HEY1: variants seen among roughly 807,000 people sequenced by gnomAD.
HEY1 encodes the protein hes related family bHLH transcription factor with YRPW motif 1.
In HEY1, 9 loss-of-function variants were observed where a neutral mutation model predicts 28.7. The ratio of observed to expected loss-of-function variants is 0.31; its 90% CI spans 0.19 to 0.55. The LOEUF (loss-of-function observed/expected upper bound fraction) is 0.55. Ranked by LOEUF, HEY1 falls within the 20% of genes least tolerant of loss-of-function variation. The probability of loss-of-function intolerance (pLI) is 0.93; values close to 1 mark genes in which losing one functional copy is unlikely to be tolerated. For missense variants in HEY1, 385 were observed against 399.4 expected (o/e 0.96, Z 0.31); for synonymous variants, 213 against 175.6 (o/e 1.21, Z -1.68).
chr8:79,767,331 G>A (rs1173002925), intron 1 of HEY1, 37 bp from the exon 2 acceptor site: 2 of 1,564,766 alleles, frequency 1.3e-6, no homozygotes, highest in East Asian at 2.2e-5. Flanking sequence ...AACTGAAATC[G>A]CCGTTAAACG....
chr8:79,766,935 G>T, intron 3 of HEY1, 74 bp downstream of exon 3: 2 of 1,353,572 alleles, frequency 1.5e-6, no homozygotes, highest in Non-Finnish European at 2.1e-6. Context: ...TTCCAAGGCG[G>T]ATGAGATTAA....
At chr8:79,767,371 C>G (rs1807872005) in intron 1 of HEY1, 77 bp from the exon 2 acceptor site, 2 of 1,334,366 alleles carry the variant, frequency 1.5e-6, no homozygotes, top group Non-Finnish European at 2.1e-6. Context: ...GTCGCCCCCA[C>G]ACCCTCCCCG....
In HEY1 at chr8:79,765,370, T is replaced by A. The variant is rs765694290; in HGVS notation, c.733A>T (p.Thr245Ser). 1 of 1,589,390 alleles carries A rather than the reference T, an allele frequency of 6.3e-7. No homozygotes were observed. Among genetic ancestry groups the A allele is most frequent in the Non-Finnish European group, 8.6e-7 (1 of 1,168,010 alleles). ...GSLGPVLPVV[T>S]SASKLSPPLL... ...GGCGGCGACAGTTTGGAGGCGGAGGTGACCACAGGGAGCACCGGTCCGAGG... is the reference window on the plus strand; with the variant it reads ...GGCGGCGACAGTTTGGAGGCGGAGGAGACCACAGGGAGCACCGGTCCGAGG... The change falls in exon 5 of 5, where the codon ACC becomes TCC. Residue 245 changes from threonine (T) to serine (S), a missense_variant. By Grantham distance (58) the Thr-to-Ser change is moderately conservative. Transcript: ENST00000354724.
intron 1 of HEY1, 111 bp downstream of exon 1, chr8:79,767,464 G>T (rs1807874510): frequency 9.3e-6 from 11 of 1,180,650 alleles, no homozygotes; most frequent in Non-Finnish European, 1.3e-5. Flanking sequence ...GCGACGCGCG[G>T]AGGTCAGCGC....
In HEY1 at chr8:79,765,367, A is replaced by T. The variant is rs776947407; in HGVS notation, c.736T>A (p.Ser246Thr). 1.2e-5 allele frequency: 19 copies of T among 1,588,864 alleles called. No homozygotes were observed. The Admixed American group carries it at 2.4e-4, about 20-fold the overall frequency. The change falls in exon 5 of 5, where the codon TCC becomes ACC. Residue 246 changes from serine (S) to threonine (T), a missense_variant. By Grantham distance (58) the Ser-to-Thr change is moderately conservative. Coordinates refer to ENST00000354724, the MANE Select transcript of HEY1 (RefSeq NM_012258.4). ...SLGPVLPVVT[S>T]ASKLSPPLLS... ...AGAGGCGGCGACAGTTTGGAGGCGG[A>T]GGTGACCACAGGGAGCACCGGTCCG... is the stretch of plus-strand genomic sequence containing the variant.
At position 79,764,139 on chromosome 8, in the gene HEY1, A is replaced by G. The variant is rs1807769214; in HGVS notation, c.*1049T>C. ...TGAAAAATGATATTTTATAGCCCAA[A>G]TCAAATTAAATAAATCAAAGAGAAG... On this transcript the variant is annotated 3_prime_UTR_variant, in exon 5 of 5. Transcript: ENST00000354724. 3 of 202,958 alleles carry G rather than the reference A, an allele frequency of 1.5e-5. No homozygotes were observed. In the South Asian group the frequency reaches 5.7e-4, roughly 39 times the overall value. 12.6% of individuals were successfully genotyped at this position (202,958 alleles called of 1,614,324 possible).
rs1314340446 is a variant in HEY1, at chr8:79,767,033, C to T, written c.225G>A (p.Leu75=). Residue 75 remains leucine (L), a synonymous_variant, in exon 3 of 5, where the codon CTG becomes CTA. Transcript: ENST00000354724. Reference sequence around the variant, plus strand: ...CCTGCTTCTCAAAAGCACTGGGTACCAGCCTTCTCAGCTCAGACAAACTGT... The same window carrying T: ...CCTGCTTCTCAAAAGCACTGGGTACTAGCCTTCTCAGCTCAGACAAACTGT... The part of the protein sequence containing the change: ...INNSLSELRR[L]VPSAFEKQGS... 2 of 1,614,088 alleles carry T rather than the reference C, an allele frequency of 1.2e-6. No homozygotes were observed. Among genetic ancestry groups the T allele is most frequent in the Non-Finnish European group, 1.7e-6 (2 of 1,179,978 alleles).
rs778389204 is a variant in HEY1 at position 79,767,622 on chromosome 8, C to T, written c.42G>A (p.Glu14=). ...AHPEYSSSDS[E]LDETIEVEKE... is the part of the protein sequence containing the mutation. ...TCTCCACCTCGATGGTCTCGTCCAG[C>T]TCGCTGTCCGAGGAGCTGTACTCGG... Residue 14 remains glutamate, a synonymous_variant, in exon 1 of 5, where the codon GAG becomes GAA. Transcript: ENST00000354724. 2 of 1,610,432 alleles carry T rather than the reference C, an allele frequency of 1.2e-6. No individual in the cohort carries two copies. The highest frequency in any genetic ancestry group is 2.2e-5 in the East Asian group (1 of 44,638).
chr8:79,766,054 C>G, intron 4 of HEY1: 1 of 682,908 alleles, frequency 1.5e-6, no homozygotes, highest in South Asian at 2.0e-5. Context: ...AATGTTTTCC[C>G]TCAACAACAA....
intron 2 of HEY1, 45 bp downstream of exon 2, chr8:79,767,174 C>T: frequency 6.3e-7 from 1 of 1,583,898 alleles, no homozygotes; most frequent in Non-Finnish European, 8.7e-7. Flanking sequence ...TGGTTATTTC[C>T]GTTAATCAAT....
At chr8:79,766,830 A>C in intron 3 of HEY1, 98 bp from the exon 4 acceptor site, 1 of 1,398,678 alleles carries the variant, frequency 7.1e-7, no homozygotes, top group Middle Eastern at 1.8e-4. Flanking sequence ...TGCTTTGTAA[A>C]TCGTAAAGCA....
At position 79,765,362 on chromosome 8, in the gene HEY1, G is replaced by C; in HGVS notation, c.741C>G (p.Ala247=). The change falls in exon 5 of 5, where the codon GCC becomes GCG. Residue 247 remains alanine, a synonymous_variant. Transcript: ENST00000354724. ...AGAGCAGAGGCGGCGACAGTTTGGA[G>C]GCGGAGGTGACCACAGGGAGCACCG... The part of the protein sequence containing the change: ...LGPVLPVVTS[A]SKLSPPLLSS... 2 of 1,586,624 alleles carry C rather than the reference G, an allele frequency of 1.3e-6. No individual in the cohort carries two copies. The highest frequency in any genetic ancestry group is 1.7e-6 in the Non-Finnish European group (2 of 1,166,346).
Position 79,764,545 on chromosome 8 carries a change from A to G in HEY1, c.*643T>C, listed in dbSNP as rs1472986209. The G allele has an allele frequency of 4.4e-6, 1 of 227,284 alleles. No individual in the cohort carries two copies. The highest frequency in any genetic ancestry group is 2.2e-5 in the African/African-American group (1 of 44,994). 14.1% of individuals were successfully genotyped at this position (227,284 alleles called of 1,614,324 possible). On this transcript the variant is annotated 3_prime_UTR_variant, in exon 5 of 5. Coordinates refer to ENST00000354724, the MANE Select transcript of HEY1 (RefSeq NM_012258.4). ...CAGATACCAGCAGCTGGTCAGATGGATTCAGGGCCACCAACAGTTTGTACA... is the reference window on the plus strand; with the variant it reads ...CAGATACCAGCAGCTGGTCAGATGGGTTCAGGGCCACCAACAGTTTGTACA...
chr8:79,767,079 C>A lies in HEY1; in HGVS notation c.179G>T (p.Arg60Leu). The change falls in exon 3 of 5, where the codon CGC becomes CTC. Residue 60 changes from arginine (R) to leucine (L), a missense_variant. Arg to Leu is a moderately radical substitution (Grantham distance 102). Coordinates refer to ENST00000354724, the MANE Select transcript of HEY1 (RefSeq NM_012258.4). ...ACTGTTATTGATCCGGTCTCGTCGG[C>A]GCTTCTCAATTATCTGCAGAAGGCA... ...RKRRRGIIEK[R>L]RRDRINNSLS... The A allele has an allele frequency of 6.2e-7, 1 of 1,613,894 alleles. No homozygotes were observed. The highest frequency in any genetic ancestry group is 8.5e-7 in the Non-Finnish European group (1 of 1,179,922).
At chr8:79,766,535 C>G in intron 4 of HEY1, 116 bp downstream of exon 4, 2 of 1,543,686 alleles carry the variant, frequency 1.3e-6, no homozygotes, top group South Asian at 2.5e-5. Flanking sequence ...CACCACACAC[C>G]GTTCTCTCCC....
rs1388472094 is a variant in HEY1, at chr8:79,767,583, G to A, written c.81C>T (p.Asp27=). 1.2e-6 allele frequency: 2 copies of A among 1,608,220 alleles called. No individual in the cohort carries two copies. Among genetic ancestry groups the A allele is most frequent in the East Asian group, 2.3e-5 (1 of 44,428 alleles). Residue 27 remains aspartate (D), a synonymous_variant, in exon 1 of 5, where the codon GAC becomes GAT. Transcript: ENST00000354724. ...CGCCGCCGCCAGCTCACCCATTCTC[G>A]TCCGCACTCTCCTTCTCCACCTCGA... ...ETIEVEKESA[D]ENGNLSSALG... is the part of the protein sequence containing the mutation.
At chr8:79,767,178 A>C in intron 2 of HEY1, 41 bp downstream of exon 2, 1 of 1,586,176 alleles carries the variant, frequency 6.3e-7, no homozygotes, top group African/African-American at 1.4e-5. Context: ...TATTTCCGTT[A>C]ATCAATAACA....
At position 79,765,321 on chromosome 8, in the gene HEY1, A is replaced by C; in HGVS notation, c.782T>G (p.Leu261Arg). ...SPPLLSSVASLSAFPFSFGSF... is the reference protein window; with the variant it reads ...SPPLLSSVASRSAFPFSFGSF... ...GCCGAAAGAGAAGGGGAAGGCCGAC[A>C]GGGAGGCCACTGAGGAGAGCAGAGG... Residue 261 changes from leucine to arginine, a missense_variant, in exon 5 of 5, where the codon CTG becomes CGG. Around this residue, in one of 3 missense-constraint regions of HEY1, gnomAD observed 223 missense variants for 215.9 expected, o/e 1.03. Transcript: ENST00000354724. 1 of 1,566,196 alleles carries C rather than the reference A, an allele frequency of 6.4e-7. No individual in the cohort carries two copies. The highest frequency in any genetic ancestry group is 8.7e-7 in the Non-Finnish European group (1 of 1,154,578).
At position 79,765,290 on chromosome 8, in the gene HEY1, G is replaced by A. The variant is rs1042490959; in HGVS notation, c.813C>T (p.Phe271=). Residue 271 remains phenylalanine, a synonymous_variant, in exon 5 of 5, where the codon TTC becomes TTT. Coordinates refer to ENST00000354724, the MANE Select transcript of HEY1 (RefSeq NM_012258.4). ...TCAGTGCATTGGGAGACAGTAAGTG[G>A]AAGGAGCCGAAAGAGAAGGGGAAGG... The part of the protein sequence containing the change: ...LSAFPFSFGS[F]HLLSPNALSP... The A allele has an allele frequency of 9.0e-6, 14 of 1,556,632 alleles. No individual in the cohort carries two copies. The Middle Eastern group carries it at 5.0e-4, about 56-fold the overall frequency.
Sources: gnomAD v4.1 joint callset for allele counts on GRCh38, gnomAD v4.1.1 for gene constraint, gnomAD v4.1.1 regional missense constraint, MANE v1.5 for transcripts, NCBI Gene and HGNC (gene_info 2026-07-23, HGNC 2026-07-21) for gene names.